The following DIAPH3 variants were observed in gnomAD, a reference collection of about 807,000 sequenced individuals.
DIAPH3 encodes protein diaphanous homolog 3.
In DIAPH3, 117 loss-of-function variants were observed where a neutral mutation model predicts 144.3. The ratio of observed to expected loss-of-function variants is 0.81; its 90% CI spans 0.70 to 0.95. The LOEUF is 0.95. Among genes scored for constraint, DIAPH3 ranks in the 40% least tolerant of loss-of-function variants. DIAPH3 has a pLI of 0.00. For synonymous variants in DIAPH3, 519 were observed against 488.9 expected (o/e 1.06, Z -0.81); for missense variants, 1,421 against 1,412.7 (o/e 1.01, Z -0.09).
chr13:59,926,347 C>G (rs1366848831), intron 17 of DIAPH3, among the ~76,000 whole-genome samples: 1 of 152,064 alleles, frequency 6.6e-6, no homozygotes, highest in Non-Finnish European at 1.5e-5. Context: ...TTATTTCTTT[C>G]CTTCTACTAA....
intron 4 of DIAPH3, among the ~76,000 whole-genome samples, chr13:60,068,217 T>C (rs1171173961): frequency 3.3e-5 from 5 of 152,202 alleles, no homozygotes; most frequent in Non-Finnish European, 5.9e-5. Flanking sequence ...TTCTACACCA[T>C]AGAGTTCCAG....
intron 17 of DIAPH3, among the ~76,000 whole-genome samples, chr13:59,940,160 T>C (rs533404601): frequency 1.4e-4 from 22 of 152,250 alleles, no homozygotes; most frequent in Admixed American, 9.8e-4. Context: ...TATTGTGAAA[T>C]GGGGAGCGAG....
intron 20 of DIAPH3, among the ~76,000 whole-genome samples, chr13:59,890,544 G>A (rs777565334): frequency 2.0e-5 from 3 of 151,208 alleles, no homozygotes; most frequent in Non-Finnish European, 2.9e-5. Context: ...TGATGTCAAC[G>A]TAATTTTTAC....
At chr13:60,100,668 T>TTTC (rs1471949736) in intron 3 of DIAPH3, among the ~76,000 whole-genome samples, 2 of 152,086 alleles carry the variant, frequency 1.3e-5, no homozygotes, top group Non-Finnish European at 2.9e-5. Context: ...TCTATAAGTC[T>TTTC]AAAATTATTT....
intron 27 of DIAPH3, among the ~76,000 whole-genome samples, chr13:59,685,148 G>A (rs2033149169): frequency 6.6e-6 from 1 of 152,080 alleles, no homozygotes; most frequent in African/African-American, 2.4e-5. Context: ...TAGGGGTGAA[G>A]GGTGGGAAGG....
rs148820232 is a variant in DIAPH3 at position 59,810,408 on chromosome 13, G to T, written c.3163+380C>A. Reference sequence around the variant, plus strand: ...TCCATCACTTTTTTTCCCTCCCTTGGGATATTTTGTTGAAGAAACCGGGTT... The same window carrying T: ...TCCATCACTTTTTTTCCCTCCCTTGTGATATTTTGTTGAAGAAACCGGGTT... On this transcript the variant is annotated intron_variant, in intron 25 of 27. Transcript: ENST00000400324. Among the ~76,000 whole-genome samples the T allele has an allele frequency of 1.3e-3, 202 of 151,944 alleles. 1 individual carries two copies. Among genetic ancestry groups the T allele is most frequent in the African/African-American group, 4.7e-3 (193 of 41,398 alleles).
intron 21 of DIAPH3, among the ~76,000 whole-genome samples, chr13:59,863,256 T>C (rs894798998): frequency 1.2e-4 from 18 of 151,706 alleles, no homozygotes; most frequent in Admixed American, 6.6e-5. Flanking sequence ...TAAGTAATCA[T>C]TTAGAGCAGA....
At chr13:60,158,749 C>T (rs568429715) in intron 1 of DIAPH3, among the ~76,000 whole-genome samples, 1 of 152,014 alleles carries the variant, frequency 6.6e-6, no homozygotes, top group African/African-American at 2.4e-5. Flanking sequence ...GATGGTTCCT[C>T]ATCCTCCCAG....
chr13:59,960,300 A>T (rs901153995), intron 17 of DIAPH3, among the ~76,000 whole-genome samples: 11 of 152,220 alleles, frequency 7.2e-5, no homozygotes. Flanking sequence ...TTAGGAAACA[A>T]GTATTTAGTT....
At chr13:59,667,792 A>T (rs1335845746) in intron 27 of DIAPH3, among the ~76,000 whole-genome samples, 2 of 152,192 alleles carry the variant, frequency 1.3e-5, no homozygotes, top group African/African-American at 2.4e-5. Flanking sequence ...CTGACATGAC[A>T]TTTAAAGTTT....
intron 1 of DIAPH3, among the ~76,000 whole-genome samples, chr13:60,153,198 T>C (rs1224523987): frequency 2.0e-5 from 3 of 152,012 alleles, no homozygotes; most frequent in African/African-American, 7.2e-5. Context: ...AAGAGTTCAG[T>C]TCCAAATGGC....
chr13:59,994,573 T>C (rs2052068615), intron 9 of DIAPH3, among the ~76,000 whole-genome samples: 1 of 151,822 alleles, frequency 6.6e-6, no homozygotes, highest in Admixed American at 6.6e-5. Flanking sequence ...CTGTAAGAAA[T>C]ATGTTTGGTA....
chr13:59,703,379 C>T (rs764320069), intron 27 of DIAPH3, among the ~76,000 whole-genome samples: 26 of 152,186 alleles, frequency 1.7e-4, no homozygotes, highest in Non-Finnish European at 2.6e-4. Context: ...AGGAGTCTAT[C>T]GGACAATGCA....
chr13:59,875,854 T>C (rs910795016), intron 21 of DIAPH3, among the ~76,000 whole-genome samples: 5 of 152,130 alleles, frequency 3.3e-5, no homozygotes, highest in African/African-American at 7.2e-5. Flanking sequence ...CCAGAGATAT[T>C]ATAGTTACTC....
At chr13:59,856,721 T>C (rs9570218) in intron 22 of DIAPH3, among the ~76,000 whole-genome samples, 8,942 of 152,272 alleles carry the variant, frequency 0.059, 414 homozygotes, top group East Asian at 0.28. Context: ...GGCTTTAACA[T>C]AGGAATTTAT....
chr13:59,781,061 G>C (rs1020246819), intron 25 of DIAPH3, among the ~76,000 whole-genome samples: 1 of 152,178 alleles, frequency 6.6e-6, no homozygotes. Flanking sequence ...TGATCCAGTA[G>C]GAACTCTCTT....
intron 21 of DIAPH3, among the ~76,000 whole-genome samples, chr13:59,869,631 G>A (rs1435176867): frequency 6.6e-6 from 1 of 152,150 alleles, no homozygotes; most frequent in East Asian, 1.9e-4. Flanking sequence ...GCCATCTTTT[G>A]CATGAAAATG....
intron 19 of DIAPH3, among the ~76,000 whole-genome samples, chr13:59,913,999 A>C (rs913414822): frequency 6.6e-6 from 1 of 152,132 alleles, no homozygotes; most frequent in Non-Finnish European, 1.5e-5. Flanking sequence ...TATTGAGCCT[A>C]ATACAATGCC....
At chr13:59,930,537 G>A (rs767558631) in intron 17 of DIAPH3, among the ~76,000 whole-genome samples, 13 of 152,080 alleles carry the variant, frequency 8.5e-5, no homozygotes, top group Non-Finnish European at 1.5e-4. Context: ...AGGTGTAAAG[G>A]TGCAAAAACT....
Sources: gnomAD v4.1 joint callset for allele counts (sites outside exome capture counted in the v4.1 genomes callset) on GRCh38, gnomAD v4.1.1 for gene constraint, MANE v1.5 for transcripts, NCBI Gene and HGNC (gene_info 2026-07-23, HGNC 2026-07-21) for gene names.